Variants in EIF4ENIF1 observed in about 807,000 individuals in gnomAD.
The protein encoded by EIF4ENIF1 is eukaryotic translation initiation factor 4E nuclear import factor 1.
EIF4ENIF1 carries 23 observed loss-of-function variants against 110.5 expected under a neutral mutation model. The observed-to-expected ratio is 0.21, with a 90% CI of 0.15 to 0.29. The LOEUF (loss-of-function observed/expected upper bound fraction) is 0.29. EIF4ENIF1 is among the 10% of genes least tolerant of loss of function. The pLI is 1.00. For missense variants in EIF4ENIF1, 1,031 were observed against 1,221.1 expected (o/e 0.84, Z 2.32); for synonymous variants, 440 against 437.0 (o/e 1.01, Z -0.09).
intron 8 of EIF4ENIF1, 80 bp from the exon 9 acceptor site, chr22:31,455,395 CTT>C (rs67838369): frequency 0.019 from 15,308 of 792,020 alleles, 2 homozygotes; most frequent in East Asian, 0.057. Context: ...TTCTTTCTTT[CTT>C]TTTTTTTTTT....
In EIF4ENIF1 at chr22:31,464,688, AAAAAAAAAAAAAT is replaced by A. The variant is rs1466831053; in HGVS notation, c.299-734_299-722del. ...AAGATTCAGTCTCAAAAAAAAAAAA[AAAAAAAAAAAAAT>A]ATATATATATATATATATATATATA... On this transcript the variant is annotated intron_variant, in intron 4 of 18. Transcript: ENST00000330125. Among the ~76,000 whole-genome samples the A allele has an allele frequency of 1.4e-3, 69 of 50,918 alleles. 3 individuals are homozygous for A. Among genetic ancestry groups the A allele is most frequent in the Non-Finnish European group, 3.0e-3 (53 of 17,740 alleles). The allele number at this position is 50,918 out of a possible 152,430, so 33.4% of individuals were successfully genotyped here.
At chr22:31,483,001 C>A (rs556811758) in intron 2 of EIF4ENIF1, among the ~76,000 whole-genome samples, 2 of 151,388 alleles carry the variant, frequency 1.3e-5, no homozygotes, top group South Asian at 4.2e-4. Flanking sequence ...TCCAGCCTGG[C>A]GACAGACAGA....
intron 18 of EIF4ENIF1, among the ~76,000 whole-genome samples, 194 bp downstream of exon 18, chr22:31,440,509 GA>G (rs1363594769): frequency 1.3e-5 from 2 of 152,196 alleles, no homozygotes; most frequent in East Asian, 3.8e-4. Context: ...TTTTCCCACT[GA>G]CTTTGCAGGA....
At chr22:31,446,829 C>A (rs2050495115) in intron 14 of EIF4ENIF1, 1 of 281,706 alleles carries the variant, frequency 3.5e-6, no homozygotes, top group Admixed American at 5.2e-5. Flanking sequence ...CACTCCTTTC[C>A]CTTTTCTCCC....
chr22:31,453,251 G>T (rs1228773403), intron 10 of EIF4ENIF1: 1 of 270,962 alleles, frequency 3.7e-6, no homozygotes, highest in Non-Finnish European at 7.6e-6. Flanking sequence ...CATTTACAAG[G>T]TGATATGCAG....
chr22:31,486,887 C>T (rs1217033512), intron 2 of EIF4ENIF1, among the ~76,000 whole-genome samples: 1 of 151,074 alleles, frequency 6.6e-6, no homozygotes, highest in Non-Finnish European at 1.5e-5. Context: ...TCGAGACTAG[C>T]CTGACCAACA....
chr22:31,485,893 A>G (rs962693179), intron 2 of EIF4ENIF1, among the ~76,000 whole-genome samples: 27 of 152,306 alleles, frequency 1.8e-4, no homozygotes, highest in Admixed American at 1.4e-3. Context: ...AGGTGGGTGG[A>G]TCACCTGAGC....
At chr22:31,493,091 T>G (rs2052297726), upstream of EIF4ENIF1, among the ~76,000 whole-genome samples, 1 of 151,884 alleles carries the variant, frequency 6.6e-6, no homozygotes, top group Non-Finnish European at 1.5e-5. Flanking sequence ...TGGAGTGCAG[T>G]AGCGTAATCT....
intron 10 of EIF4ENIF1, chr22:31,450,725 C>G: frequency 1.4e-5 from 4 of 276,220 alleles, no homozygotes; most frequent in Non-Finnish European, 2.1e-5. Flanking sequence ...TGGAGACACA[C>G]ACACACACAC....
rs768365525 is a variant in EIF4ENIF1, at chr22:31,447,483, T to G, written c.1931A>C (p.Tyr644Ser). The G allele has an allele frequency of 6.2e-7, 1 of 1,613,294 alleles. No homozygotes were observed. ...HDLAVQAANF[Y>S]QPGFGKPQVD... Reference sequence around the variant, plus strand: ...CTGTGGTTTGCCAAAACCAGGCTGGTAGAAGTTTGCTGCCTGTACAGCAAG... The same window carrying G: ...CTGTGGTTTGCCAAAACCAGGCTGGGAGAAGTTTGCTGCCTGTACAGCAAG... The change falls in exon 14 of 19, where the codon TAC becomes TCC. Residue 644 changes from tyrosine (Y) to serine (S), a missense_variant. Physicochemically the swap from Tyr to Ser is moderately radical, Grantham distance 144. Coordinates refer to ENST00000330125, the MANE Select transcript of EIF4ENIF1 (RefSeq NM_019843.4).
chr22:31,463,221 G>A (rs1232285229), intron 5 of EIF4ENIF1, 88 bp from the exon 6 acceptor site: 8 of 1,294,556 alleles, frequency 6.2e-6, no homozygotes, highest in African/African-American at 1.5e-5. Flanking sequence ...GTTCAATAGT[G>A]AAAGGAAGAT....
chr22:31,440,246 A>G (rs1725975136), intron 18 of EIF4ENIF1, 125 bp from the exon 19 acceptor site: 15 of 1,359,460 alleles, frequency 1.1e-5, no homozygotes, highest in Middle Eastern at 2.4e-4. Context: ...TTCTTTAGAA[A>G]CTCCTTTGCA....
At chr22:31,441,550 G>GAAAA (rs771597260) in intron 17 of EIF4ENIF1, among the ~76,000 whole-genome samples, 33 of 65,228 alleles carry the variant, frequency 5.1e-4, no homozygotes, top group East Asian at 1.2e-3. Context: ...CTACAAAAAG[G>GAAAA]AAAAAAAAAA....
chr22:31,440,570 G>C (rs568740419), intron 18 of EIF4ENIF1, 134 bp downstream of exon 18: 2 of 1,116,846 alleles, frequency 1.8e-6, no homozygotes, highest in Non-Finnish European at 2.5e-6. Context: ...CTTATTATCT[G>C]GTTACACTTT....
At chr22:31,444,899 G>A (rs538928996) in intron 14 of EIF4ENIF1, among the ~76,000 whole-genome samples, 1 of 152,290 alleles carries the variant, frequency 6.6e-6, no homozygotes, top group African/African-American at 2.4e-5. Context: ...TCCCAGTCTT[G>A]TAAGAGCTCT....
Position 31,440,885 on chromosome 22 carries a change from G to A in EIF4ENIF1, c.2552-17C>T. 2 of 1,613,616 alleles carry A rather than the reference G, an allele frequency of 1.2e-6. No homozygotes were observed. Among genetic ancestry groups the A allele is most frequent in the South Asian group, 1.1e-5 (1 of 91,034 alleles). On this transcript the variant is annotated splice_polypyrimidine_tract_variant and intron_variant, in intron 17 of 18. Transcript: ENST00000330125. ...GAAGCACACCTGTTGAGCAGAAAAA[G>A]CAAGCAGCTGAGTAGTCTTAATGTT...
intron 6 of EIF4ENIF1, among the ~76,000 whole-genome samples, chr22:31,460,462 T>A (rs1313381171): frequency 6.6e-6 from 1 of 150,432 alleles, no homozygotes; most frequent in African/African-American, 2.5e-5. Flanking sequence ...TGAAACACCA[T>A]CTCTACTAAA....
At chr22:31,456,658 G>A (rs1268485463) in intron 7 of EIF4ENIF1, among the ~76,000 whole-genome samples, 1 of 152,104 alleles carries the variant, frequency 6.6e-6, no homozygotes, top group African/African-American at 2.4e-5. Flanking sequence ...GGGACTACAG[G>A]CATACGCCAC....
At chr22:31,479,228 G>T (rs936720133) in intron 2 of EIF4ENIF1, among the ~76,000 whole-genome samples, 1 of 151,836 alleles carries the variant, frequency 6.6e-6, no homozygotes, top group Non-Finnish European at 1.5e-5. Context: ...CGCCATGCCC[G>T]GCTAATGTTT....
Sources: gnomAD v4.1 joint callset for allele counts (sites outside exome capture counted in the v4.1 genomes callset) on GRCh38, gnomAD v4.1.1 for gene constraint, MANE v1.5 for transcripts, NCBI Gene and HGNC (gene_info 2026-07-23, HGNC 2026-07-21) for gene names.